RGS7: variants seen among roughly 807,000 people sequenced by gnomAD.
The protein encoded by RGS7 is regulator of G-protein signaling 7.
RGS7 carries 27 observed loss-of-function variants against 81.1 expected under a neutral mutation model. That is an observed-to-expected ratio of 0.33 (90% CI 0.25 to 0.46). The LOEUF is 0.46. Among genes scored for constraint, RGS7 ranks in the 20% least tolerant of loss-of-function variants. The probability of loss-of-function intolerance (pLI) is 1.00; values close to 1 mark genes in which losing one functional copy is unlikely to be tolerated. For synonymous variants in RGS7, 208 were observed against 207.7 expected (o/e 1.00, Z -0.01); for missense variants, 396 against 607.4 (o/e 0.65, Z 3.66).
At chr1:241,156,570 G>A (rs995088706) in intron 2 of RGS7, among the ~76,000 whole-genome samples, 3 of 132,302 alleles carry the variant, frequency 2.3e-5, no homozygotes, top group Non-Finnish European at 4.8e-5. Flanking sequence ...GAAGGAAAGG[G>A]AAAGGGGAGA....
rs532316141 is a variant in RGS7, at chr1:241,085,451, G to C, written c.175+13215C>G. Among the ~76,000 whole-genome samples, 46 of 138,782 alleles carry C rather than the reference G, an allele frequency of 3.3e-4. No homozygotes were observed. In the South Asian group the frequency reaches 9.6e-3, roughly 29 times the overall value. The allele number at this position is 138,782 out of a possible 152,430, so 91.0% of individuals were successfully genotyped here. The stretch of plus-strand genomic sequence containing the variant: ...TATTTATTTATTTATTTTTGAGACA[G>C]AGTCTCTCTGTCATCCAGACTGGAC... On this transcript the variant is annotated intron_variant, in intron 3 of 18. Coordinates refer to ENST00000440928, the MANE Select transcript of RGS7 (RefSeq NM_001364886.1).
intron 3 of RGS7, among the ~76,000 whole-genome samples, chr1:241,056,022 G>A (rs2061461096): frequency 6.6e-6 from 1 of 152,132 alleles, no homozygotes; most frequent in Non-Finnish European, 1.5e-5. Flanking sequence ...CTTAATATGA[G>A]TTACATTCAA....
intron 3 of RGS7, among the ~76,000 whole-genome samples, chr1:240,994,605 T>A (rs572321545): frequency 6.6e-6 from 1 of 152,200 alleles, no homozygotes; most frequent in East Asian, 1.9e-4. Flanking sequence ...TATAATACCA[T>A]CTGCAAAGAG....
At chr1:240,874,818 A>G (rs1209677787) in intron 6 of RGS7, among the ~76,000 whole-genome samples, 1 of 152,162 alleles carries the variant, frequency 6.6e-6, no homozygotes, top group South Asian at 2.1e-4. Flanking sequence ...AGGTGGGCAG[A>G]TCACTTGAGC....
intron 2 of RGS7, among the ~76,000 whole-genome samples, chr1:241,336,590 T>C (rs1349447243): frequency 2.0e-5 from 3 of 152,228 alleles, no homozygotes; most frequent in Non-Finnish European, 4.4e-5. Context: ...TCGGCTTTCT[T>C]AACACACAGA....
chr1:241,000,756 T>C (rs796485774), intron 3 of RGS7, among the ~76,000 whole-genome samples: 4 of 151,872 alleles, frequency 2.6e-5, no homozygotes, highest in African/African-American at 9.7e-5. Context: ...TAAGTGATTC[T>C]CATGCCTCAG....
intron 2 of RGS7, among the ~76,000 whole-genome samples, chr1:241,257,490 T>C (rs915270522): frequency 6.6e-6 from 1 of 152,162 alleles, no homozygotes; most frequent in African/African-American, 2.4e-5. Context: ...TAAACCAACC[T>C]AGATTGTGCC....
chr1:240,945,277 T>C (rs1678415959), intron 4 of RGS7, among the ~76,000 whole-genome samples: 1 of 152,250 alleles, frequency 6.6e-6, no homozygotes, highest in Non-Finnish European at 1.5e-5. Context: ...CTGATTTTAA[T>C]TTCAGTTGCT....
chr1:241,071,662 C>A, intron 3 of RGS7, among the ~76,000 whole-genome samples: 1 of 150,762 alleles, frequency 6.6e-6, no homozygotes. Flanking sequence ...TTCGTTAAGC[C>A]TTAGGTGTTC....
rs5782184 is a variant in RGS7 at position 241,315,107 on chromosome 1, C to CTTTTTTTTTTTTTTTTTTTTTTTTTT, written c.78+40566_78+40591dup. On this transcript the variant is annotated intron_variant, in intron 2 of 18. Transcript: ENST00000440928. Reference sequence around the variant, plus strand: ...GAAGCTTTTTTTTTTTCTTCTTCTTCTTTTTTTTTTTTTTTTTTTTTTTTT... The same window carrying CTTTTTTTTTTTTTTTTTTTTTTTTTT: ...GAAGCTTTTTTTTTTTCTTCTTCTTCTTTTTTTTTTTTTTTTTTTTTTTTTTTTTTTTTTTTTTTTTTTTTTTTTTT... Among the ~76,000 whole-genome samples, 4 of 57,432 alleles carry CTTTTTTTTTTTTTTTTTTTTTTTTTT rather than the reference C, an allele frequency of 7.0e-5. 1 individual carries two copies. The highest frequency in any genetic ancestry group is 5.5e-4 in the East Asian group (1 of 1,806). 37.7% of individuals were successfully genotyped at this position (57,432 alleles called of 152,430 possible).
intron 4 of RGS7, among the ~76,000 whole-genome samples, chr1:240,972,370 A>C (rs951828923): frequency 6.6e-6 from 1 of 150,604 alleles, no homozygotes; most frequent in South Asian, 2.1e-4. Context: ...GCAGCCATAA[A>C]AAATGATGAG....
intron 18 of RGS7, among the ~76,000 whole-genome samples, chr1:240,778,723 G>C (rs1683413143): frequency 1.3e-5 from 2 of 151,942 alleles, no homozygotes; most frequent in Non-Finnish European, 2.9e-5. Context: ...TAGTAGAGAT[G>C]GGGTTTCACC....
chr1:241,141,951 A>G (rs970328960), intron 2 of RGS7, among the ~76,000 whole-genome samples: 2 of 152,278 alleles, frequency 1.3e-5, no homozygotes, highest in Non-Finnish European at 2.9e-5. Context: ...TGGTACACGC[A>G]TTGAGTAAAG....
chr1:240,881,006 A>G (rs1666264526), intron 6 of RGS7, among the ~76,000 whole-genome samples: 1 of 152,126 alleles, frequency 6.6e-6, no homozygotes. Context: ...CCAAGACTCA[A>G]ATATATTTTG....
At chr1:241,212,404 A>G (rs371600903) in intron 2 of RGS7, among the ~76,000 whole-genome samples, 178 of 152,256 alleles carry the variant, frequency 1.2e-3, no homozygotes, top group Middle Eastern at 6.8e-3. Flanking sequence ...TGCTTGGTTT[A>G]ATGCTCTGCT....
chr1:240,877,387 T>A (rs1665611510), intron 6 of RGS7, among the ~76,000 whole-genome samples: 1 of 151,208 alleles, frequency 6.6e-6, no homozygotes, highest in African/African-American at 2.4e-5. Context: ...CTGTCATTAT[T>A]TGGTATATAG....
At chr1:240,940,261 G>A (rs1677363152) in intron 4 of RGS7, among the ~76,000 whole-genome samples, 1 of 152,042 alleles carries the variant, frequency 6.6e-6, no homozygotes, top group Non-Finnish European at 1.5e-5. Context: ...AAAAAGTATA[G>A]AAGTGTCTTG....
intron 2 of RGS7, among the ~76,000 whole-genome samples, chr1:241,302,467 T>G (rs1038229894): frequency 6.6e-6 from 1 of 152,110 alleles, no homozygotes; most frequent in Non-Finnish European, 1.5e-5. Flanking sequence ...GAGAATGGCC[T>G]GAACCCGGGA....
chr1:241,153,962 A>G (rs1413183582), intron 2 of RGS7, among the ~76,000 whole-genome samples: 4 of 152,212 alleles, frequency 2.6e-5, no homozygotes, highest in Non-Finnish European at 4.4e-5. Context: ...TGAGTTCTGT[A>G]AAGTGCTTTC....
Sources: allele counts gnomAD v4.1 joint callset (sites outside exome capture counted in the v4.1 genomes callset), GRCh38; gene constraint gnomAD v4.1.1; transcripts MANE v1.5; gene names NCBI Gene and HGNC (gene_info 2026-07-23, HGNC 2026-07-21).